The following GPATCH2L variants were observed in gnomAD, a reference collection of about 807,000 sequenced individuals.
The protein encoded by GPATCH2L is G patch domain-containing protein 2-like.
In GPATCH2L, 31 loss-of-function variants were observed where a neutral mutation model predicts 57.4. The ratio of observed to expected loss-of-function variants is 0.54; its 90% CI spans 0.41 to 0.73. The LOEUF (loss-of-function observed/expected upper bound fraction) is 0.73, where lower values mean the gene tolerates loss of function less well. Among genes scored for constraint, GPATCH2L ranks in the 30% least tolerant of loss-of-function variants. The pLI, the probability that GPATCH2L is intolerant of heterozygous loss-of-function variation, is 0.00. For synonymous variants in GPATCH2L, 199 were observed against 210.7 expected (o/e 0.94, Z 0.48); for missense variants, 481 against 599.9 (o/e 0.80, Z 2.07).
rs539269340 is a variant in GPATCH2L at position 76,208,970 on chromosome 14, T to C, written c.*7119T>C. On this transcript the variant is annotated 3_prime_UTR_variant, in exon 10 of 10. Transcript: ENST00000261530. ...GGGTTTCAGTCTTTAAAAAGAAATG[T>C]AGCTGAGGCTGAGAACCACCACTCT... The C allele has an allele frequency of 6.6e-6, 1 of 152,282 alleles. No individual in the cohort carries two copies. The highest frequency in any genetic ancestry group is 1.9e-4 in the East Asian group (1 of 5,178). The allele number at this position is 152,282 out of a possible 1,614,324, so 9.4% of individuals were successfully genotyped here.
chr14:76,179,807 G>A (rs2039486800), intron 7 of GPATCH2L: 1 of 152,122 alleles, frequency 6.6e-6, no homozygotes, highest in Non-Finnish European at 1.5e-5. Context: ...ACCTTTTGAA[G>A]TCAAATAGAT....
In GPATCH2L at chr14:76,214,340, A is replaced by T. The variant is rs1267791110; in HGVS notation, c.*12489A>T. On this transcript the variant is annotated 3_prime_UTR_variant, in exon 10 of 10. Coordinates refer to ENST00000261530, the MANE Select transcript of GPATCH2L (RefSeq NM_017926.4). The stretch of plus-strand genomic sequence containing the variant: ...TCCCTAAGTATTTAATTTATTTGCT[A>T]GTAAATGAGATTTCCTCTGCCATTA... 4 of 152,224 alleles carry T rather than the reference A, an allele frequency of 2.6e-5. No individual in the cohort carries two copies. The highest frequency in any genetic ancestry group is 9.6e-5 in the African/African-American group (4 of 41,456). The allele number at this position is 152,224 out of a possible 1,614,324, so 9.4% of individuals were successfully genotyped here.
At chr14:76,232,112 A>G (rs184862354) in intron 2 of GPATCH2L, among the ~76,000 whole-genome samples, 1 of 49,696 alleles carries the variant, frequency 2.0e-5, no homozygotes, top group African/African-American at 4.9e-5. Context: ...GGGTCTCACC[A>G]TATTGCCTAG....
chr14:76,228,816 C>T (rs1476945665), intron 1 of GPATCH2L, among the ~76,000 whole-genome samples: 1 of 152,076 alleles, frequency 6.6e-6, no homozygotes, highest in East Asian at 1.9e-4. Flanking sequence ...AAGAGGTTAT[C>T]CTAGGATGAA....
chr14:76,179,713 T>C (rs767341128), intron 7 of GPATCH2L: 15 of 152,192 alleles, frequency 9.9e-5, no homozygotes, highest in Non-Finnish European at 1.8e-4. Flanking sequence ...TCTAAACTTT[T>C]TAGAGAGGAC....
intron 7 of GPATCH2L, 70 bp downstream of exon 7, chr14:76,178,112 C>A: frequency 7.7e-7 from 1 of 1,303,670 alleles, no homozygotes; most frequent in Non-Finnish European, 1.1e-6. Context: ...CCAACACTTA[C>A]TGGTAAAAAC....
Position 76,206,745 on chromosome 14 carries a change from C to CA in GPATCH2L, c.*4895dup, listed in dbSNP as rs1475103052. 6.6e-6 allele frequency: 1 copy of CA among 152,312 alleles called. No homozygotes were observed. Among genetic ancestry groups the CA allele is most frequent in the Non-Finnish European group, 1.5e-5 (1 of 68,104 alleles). The allele number at this position is 152,312 out of a possible 1,614,324, so 9.4% of individuals were successfully genotyped here. On this transcript the variant is annotated 3_prime_UTR_variant, in exon 10 of 10. Transcript: ENST00000261530. ...GCCCAGCAGTCTTCAACAAGCCCTC[C>CA]AGGGGTCTTTGGTGCATGCTCAAGT...
chr14:76,220,695 A>G (rs940126968), intron 1 of GPATCH2L, among the ~76,000 whole-genome samples: 2 of 152,222 alleles, frequency 1.3e-5, no homozygotes, highest in African/African-American at 4.8e-5. Context: ...TGGTCTTTAA[A>G]GTAAGTCCCA....
chr14:76,217,827 G>A (rs76321678), downstream of GPATCH2L, among the ~76,000 whole-genome samples: 1,226 of 152,212 alleles, frequency 8.1e-3, 18 homozygotes, highest in African/African-American at 0.026. Context: ...CCATATAGTC[G>A]ATTGATTTTC....
intron 7 of GPATCH2L, 26 bp from the exon 8 acceptor site, chr14:76,180,738 T>G (rs2039529336): frequency 6.7e-7 from 1 of 1,484,248 alleles, no homozygotes; most frequent in Non-Finnish European, 9.4e-7. Flanking sequence ...TAAGCCTTAC[T>G]AAAATAGTCT....
Position 76,154,531 on chromosome 14 carries a change from G to A in GPATCH2L, c.168G>A (p.Glu56=). 1.2e-6 allele frequency: 2 copies of A among 1,614,230 alleles called. No homozygotes were observed. The highest frequency in any genetic ancestry group is 8.5e-7 in the Non-Finnish European group (1 of 1,180,044). Residue 56 remains glutamate, a synonymous_variant, in exon 2 of 10, where the codon GAG becomes GAA. Transcript: ENST00000261530. The surrounding 1 kb of genome is among the most constrained non-coding windows in gnomAD (Gnocchi z 4.4). The stretch of plus-strand genomic sequence containing the variant: ...GTTCTGACTTCACTCACCTGGCAGA[G>A]CATACCTGCTGCTACAGCGAGGCCT... ...KRRSDFTHLA[E]HTCCYSEASE...
At chr14:76,229,413 G>A (rs767010115) in intron 1 of GPATCH2L, among the ~76,000 whole-genome samples, 2 of 152,180 alleles carry the variant, frequency 1.3e-5, no homozygotes, top group Non-Finnish European at 2.9e-5. Flanking sequence ...CCCAATGATT[G>A]TCTGAACATC....
rs192577003 is a variant in GPATCH2L at position 76,210,660 on chromosome 14, G to A, written c.*8809G>A. 6.6e-6 allele frequency: 1 copy of A among 152,352 alleles called. No individual in the cohort carries two copies. Among genetic ancestry groups the A allele is most frequent in the Non-Finnish European group, 1.5e-5 (1 of 68,036 alleles). 9.4% of individuals were successfully genotyped at this position (152,352 alleles called of 1,614,324 possible). On this transcript the variant is annotated 3_prime_UTR_variant, in exon 10 of 10. Coordinates refer to ENST00000261530, the MANE Select transcript of GPATCH2L (RefSeq NM_017926.4). The stretch of plus-strand genomic sequence containing the variant: ...GAAATTTTGCAGATCTTGCAAACCT[G>A]TGGCAATAAGAAGGTATTATCCTTT...
intron 2 of GPATCH2L, among the ~76,000 whole-genome samples, chr14:76,232,377 G>A (rs1566830410): frequency 6.6e-6 from 1 of 152,038 alleles, no homozygotes; most frequent in Non-Finnish European, 1.5e-5. Flanking sequence ...TCGGCTCACT[G>A]CAACCTCTGC....
Position 76,154,529 on chromosome 14 carries a change from G to A in GPATCH2L, c.166G>A (p.Glu56Lys), listed in dbSNP as rs1325947401. 6.2e-7 allele frequency: 1 copy of A among 1,614,114 alleles called. No individual in the cohort carries two copies. The highest frequency in any genetic ancestry group is 8.5e-7 in the Non-Finnish European group (1 of 1,180,056). ...KRRSDFTHLA[E>K]HTCCYSEASE... Reference sequence around the variant, plus strand: ...TCGTTCTGACTTCACTCACCTGGCAGAGCATACCTGCTGCTACAGCGAGGC... The same window carrying A: ...TCGTTCTGACTTCACTCACCTGGCAAAGCATACCTGCTGCTACAGCGAGGC... Residue 56 changes from glutamate (E) to lysine (K), a missense_variant, in exon 2 of 10, where the codon GAG becomes AAG. Glu to Lys is a moderately conservative substitution (Grantham distance 56). Transcript: ENST00000261530. This position sits in a 1 kb window ranked among gnomAD's most constrained non-coding sequence, Gnocchi z 4.4.
rs898667425 is a variant in GPATCH2L, at chr14:76,205,856, A to G, written c.*4005A>G. 1 of 152,360 alleles carries G rather than the reference A, an allele frequency of 6.6e-6. No individual in the cohort carries two copies. The highest frequency in any genetic ancestry group is 1.5e-5 in the Non-Finnish European group (1 of 68,084). 9.4% of individuals were successfully genotyped at this position (152,360 alleles called of 1,614,324 possible). ...CAGGTCTTTGTTTCATTTTGGCTTC[A>G]TTACTGTGATTCTGAGCCACACAGG... On this transcript the variant is annotated 3_prime_UTR_variant, in exon 10 of 10. Transcript: ENST00000261530.
intron 8 of GPATCH2L, among the ~76,000 whole-genome samples, chr14:76,189,404 T>C (rs1408392385): frequency 6.6e-6 from 1 of 152,094 alleles, no homozygotes; most frequent in Non-Finnish European, 1.5e-5. Context: ...ATATTTTTCA[T>C]TATAGAGATC....
downstream of GPATCH2L, among the ~76,000 whole-genome samples, chr14:76,217,285 C>T (rs1011655818): frequency 6.6e-6 from 1 of 152,042 alleles, no homozygotes; most frequent in Non-Finnish European, 1.5e-5. Context: ...TTTATGTGGT[C>T]GTAAACTCTA....
At chr14:76,184,026 GTGTGTGTGTGTGTGT>G (rs1594963241) in intron 8 of GPATCH2L, among the ~76,000 whole-genome samples, 9 of 146,276 alleles carry the variant, frequency 6.2e-5, no homozygotes, top group Admixed American at 2.0e-4. Flanking sequence ...TTAGCATGGT[GTGTGTGTGTGTGTGT>G]GTGTGTGTGT....
Sources: allele counts gnomAD v4.1 joint callset (sites outside exome capture counted in the v4.1 genomes callset), GRCh38; gene constraint gnomAD v4.1.1; non-coding constraint Gnocchi (gnomAD v3.1); transcripts MANE v1.5; gene names NCBI Gene and HGNC (gene_info 2026-07-23, HGNC 2026-07-21).